ZFP69: variants seen among roughly 807,000 people sequenced by gnomAD.
ZFP69 encodes zinc finger protein 69 homolog.
A neutral mutation model predicts 48.9 loss-of-function variants in ZFP69; 35 were observed. That is an observed-to-expected ratio of 0.72 (90% CI 0.55 to 0.95). ZFP69 has a LOEUF of 0.95. Ranked by LOEUF, ZFP69 falls within the 40% of genes least tolerant of loss-of-function variation. ZFP69 has a pLI of 0.00. For missense variants in ZFP69, 557 were observed against 638.4 expected (o/e 0.87, Z 1.37); for synonymous variants, 193 against 216.8 (o/e 0.89, Z 0.96).
chr1:40,491,092 A>C (rs1406225447), intron 5 of ZFP69: 1 of 152,238 alleles, frequency 6.6e-6, no homozygotes, highest in African/African-American at 2.4e-5. Context: ...CAGTGTATAC[A>C]TACTAAACAA....
rs774254787 is a variant in ZFP69 at position 40,495,621 on chromosome 1, A to G, written c.1143A>G (p.Lys381=). The G allele has an allele frequency of 6.2e-7, 1 of 1,614,224 alleles. No homozygotes were observed. The highest frequency in any genetic ancestry group is 8.5e-7 in the Non-Finnish European group (1 of 1,180,040). ...ATTTGAGGACTCATTCTGGAGAGAAACCTTTTACTTGCAATGAATGTGGGA... is the reference window on the plus strand; with the variant it reads ...ATTTGAGGACTCATTCTGGAGAGAAGCCTTTTACTTGCAATGAATGTGGGA... ...VQHLRTHSGE[K]PFTCNECGKT... is the part of the protein sequence containing the mutation. Residue 381 remains lysine, a synonymous_variant, in exon 6 of 6, where the codon AAA becomes AAG. Transcript: ENST00000372706.
chr1:40,489,260 A>T, intron 4 of ZFP69, 46 bp downstream of exon 4: 1 of 1,595,644 alleles, frequency 6.3e-7, no homozygotes, highest in Non-Finnish European at 8.5e-7. Context: ...CCATTACAGG[A>T]GAGTCATTAT....
chr1:40,482,498 TAAAAG>T (rs1223974302), intron 3 of ZFP69, among the ~76,000 whole-genome samples: 1 of 152,098 alleles, frequency 6.6e-6, no homozygotes, highest in Admixed American at 6.5e-5. Context: ...AAGAAAGACT[TAAAAG>T]AGGAGATCTT....
intron 2 of ZFP69, among the ~76,000 whole-genome samples, chr1:40,480,837 T>G (rs1645436495): frequency 6.6e-6 from 1 of 152,182 alleles, no homozygotes; most frequent in Non-Finnish European, 1.5e-5. Flanking sequence ...AAATTTAAAT[T>G]AAAATTAAAA....
chr1:40,492,463 T>G (rs1645578883), intron 5 of ZFP69, among the ~76,000 whole-genome samples: 2 of 152,140 alleles, frequency 1.3e-5, no homozygotes, highest in South Asian at 4.1e-4. Context: ...GTTGTTTTAT[T>G]CTTTTGTTTT....
chr1:40,495,252 G>T lies in ZFP69; in HGVS notation c.774G>T (p.Leu258Phe). 1 of 1,613,908 alleles carries T rather than the reference G, an allele frequency of 6.2e-7. No individual in the cohort carries two copies. Among genetic ancestry groups the T allele is most frequent in the South Asian group, 1.1e-5 (1 of 91,034 alleles). The change falls in exon 6 of 6, where the codon TTG (leucine) becomes TTT (phenylalanine). Residue 258 changes from leucine to phenylalanine, a missense_variant. Transcript: ENST00000372706. ...AGCGGAACACATACAAATTAGATTT[G>T]ATTAATCATCCAACAAGTTACATAA... is the stretch of plus-strand genomic sequence containing the variant. The part of the protein sequence containing the change: ...PTKRNTYKLD[L>F]INHPTSYIRT...
chr1:40,481,113 T>A (rs1645439235), intron 2 of ZFP69, among the ~76,000 whole-genome samples: 1 of 152,182 alleles, frequency 6.6e-6, no homozygotes, highest in Admixed American at 6.5e-5. Flanking sequence ...GGCCTGGTTG[T>A]ATGTATTTAA....
chr1:40,485,161 G>A (rs1427182124), intron 3 of ZFP69, among the ~76,000 whole-genome samples: 1 of 151,868 alleles, frequency 6.6e-6, no homozygotes, highest in African/African-American at 2.4e-5. Flanking sequence ...CCAAAGTGCT[G>A]GGATTACAGG....
At chr1:40,484,755 G>A (rs536178958) in intron 3 of ZFP69, among the ~76,000 whole-genome samples, 1 of 149,104 alleles carries the variant, frequency 6.7e-6, no homozygotes, top group East Asian at 2.0e-4. Flanking sequence ...TTTTTTTTTT[G>A]TATTTTTAGC....
At position 40,494,255 on chromosome 1, in the gene ZFP69, A is replaced by ATTTTTTTTTTTTTTTTTTTTTTTTT; in HGVS notation, c.443-666_443-665insTTTTTTTTTTTTTTTTTTTTTTTTT. 1.6e-5 allele frequency among the ~76,000 whole-genome samples: 2 copies of ATTTTTTTTTTTTTTTTTTTTTTTTT among 123,856 alleles called. 1 individual carries two copies. Among genetic ancestry groups the ATTTTTTTTTTTTTTTTTTTTTTTTT allele is most frequent in the Non-Finnish European group, 3.2e-5 (2 of 61,742 alleles). 81.3% of individuals were successfully genotyped at this position (123,856 alleles called of 152,430 possible). A position where few individuals can be genotyped will look rare whatever the true frequency, so the allele number is the denominator to read the frequency against. ...ATTAGAGCAGGACTAAAAGATTCAA[A>ATTTTTTTTTTTTTTTTTTTTTTTTT]ATTTTTTTTTTTTTTTTTTTTTTTT... On this transcript the variant is annotated intron_variant, in intron 5 of 5. Transcript: ENST00000372706.
chr1:40,485,302 AAC>A (rs1168109564), intron 3 of ZFP69, among the ~76,000 whole-genome samples: 4 of 152,112 alleles, frequency 2.6e-5, no homozygotes, highest in African/African-American at 9.7e-5. Context: ...AAATGTATTT[AAC>A]ATTACACATG....
intron 2 of ZFP69, among the ~76,000 whole-genome samples, chr1:40,481,498 G>T (rs944631786): frequency 1.3e-5 from 2 of 152,060 alleles, no homozygotes; most frequent in South Asian, 4.1e-4. Context: ...TTTTTTGGAG[G>T]GGGGAGTGGG....
At chr1:40,480,145 TTATCTC>T (rs1455029223) in intron 2 of ZFP69, among the ~76,000 whole-genome samples, 2 of 152,182 alleles carry the variant, frequency 1.3e-5, no homozygotes, top group African/African-American at 2.4e-5. Flanking sequence ...AAATGAATAA[TTATCTC>T]TAATTCTGAT....
At chr1:40,489,004 C>T in intron 3 of ZFP69, 84 bp from the exon 4 acceptor site, 2 of 1,565,348 alleles carry the variant, frequency 1.3e-6, no homozygotes, top group Non-Finnish European at 1.8e-6. Flanking sequence ...TTTAGAATCT[C>T]TCAGAATTTA....
At position 40,495,742 on chromosome 1, in the gene ZFP69, C is replaced by CA; in HGVS notation, c.1265dup (p.His422GlnfsTer2). ...CACTGCATGTTGTAAAACCTTTAGTCATAGAGCGTATCTAACACATCACCA... is the reference window on the plus strand; with the variant it reads ...CACTGCATGTTGTAAAACCTTTAGTCAATAGAGCGTATCTAACACATCACCA... On this transcript the variant is annotated frameshift_variant, in exon 6 of 6. Coordinates refer to ENST00000372706, the MANE Select transcript of ZFP69 (RefSeq NM_001320179.2). LOFTEE classifies it high-confidence loss of function. 1 of 1,614,198 alleles carries CA rather than the reference C, an allele frequency of 6.2e-7. No individual in the cohort carries two copies.
At position 40,495,664 on chromosome 1, in the gene ZFP69, A is replaced by G. The variant is rs1342481072; in HGVS notation, c.1186A>G (p.Arg396Gly). Residue 396 changes from arginine (R) to glycine (G), a missense_variant, in exon 6 of 6, where the codon AGA (arginine) becomes GGA (glycine). Arg to Gly is a moderately radical substitution (Grantham distance 125, BLOSUM62 -2). Transcript: ENST00000372706. ...NECGKTFRQIRHLSEHIRIHT... is the reference protein window; with the variant it reads ...NECGKTFRQIGHLSEHIRIHT... ...ATGTGGGAAAACCTTTAGACAGATTAGACACCTTAGTGAACATATAAGAAT... is the reference window on the plus strand; with the variant it reads ...ATGTGGGAAAACCTTTAGACAGATTGGACACCTTAGTGAACATATAAGAAT... 6.2e-7 allele frequency: 1 copy of G among 1,614,136 alleles called. No homozygotes were observed. The highest frequency in any genetic ancestry group is 1.3e-5 in the African/African-American group (1 of 74,950).
Position 40,495,176 on chromosome 1 carries a change from A to G in ZFP69, c.698A>G (p.His233Arg), listed in dbSNP as rs757349287. Residue 233 changes from histidine to arginine, a missense_variant, in exon 6 of 6, where the codon CAT becomes CGT. Transcript: ENST00000372706. The stretch of plus-strand genomic sequence containing the variant: ...AAATTTGGGGAAAATATCATTGTGC[A>G]TTCAAATGTTATTATTGAACAGAGG... Reference protein sequence around the residue: ...TNKFGENIIVHSNVIIEQRHH... With the variant: ...TNKFGENIIVRSNVIIEQRHH... 1.2e-6 allele frequency: 2 copies of G among 1,614,164 alleles called. No individual in the cohort carries two copies. Among genetic ancestry groups the G allele is most frequent in the Non-Finnish European group, 1.7e-6 (2 of 1,180,010 alleles).
chr1:40,496,113 T>A lies in ZFP69; in HGVS notation c.*54T>A. The A allele has an allele frequency of 2.0e-6, 3 of 1,504,776 alleles. No individual in the cohort carries two copies. The Admixed American group carries it at 6.8e-5, about 34-fold the overall frequency. 93.2% of individuals were successfully genotyped at this position (1,504,776 alleles called of 1,614,324 possible). ...CCAAGTGTAAATTGGTGATTTAGAG[T>A]GCTTTAAAATTTCAGGACTCAGATA... is the stretch of plus-strand genomic sequence containing the variant. On this transcript the variant is annotated 3_prime_UTR_variant, in exon 6 of 6. Coordinates refer to ENST00000372706, the MANE Select transcript of ZFP69 (RefSeq NM_001320179.2).
rs1308289621 is a variant in ZFP69 at position 40,490,269 on chromosome 1, A to G, written c.442+645A>G. 2.6e-5 allele frequency among the ~76,000 whole-genome samples: 4 copies of G among 151,978 alleles called. No homozygotes were observed. The East Asian group carries it at 7.7e-4, about 29-fold the overall frequency. On this transcript the variant is annotated intron_variant, in intron 5 of 5. Transcript: ENST00000372706. ...ATGAGTGATCCACCCCCATGACCCA[A>G]CACTTCCCACCAGGCCCCACCTGCA...
Sources: allele counts gnomAD v4.1 joint callset (sites outside exome capture counted in the v4.1 genomes callset), GRCh38; gene constraint gnomAD v4.1.1; transcripts MANE v1.5; gene names NCBI Gene and HGNC (gene_info 2026-07-23, HGNC 2026-07-21).